ZNF420: variants seen among roughly 807,000 people sequenced by gnomAD.
ZNF420 encodes zinc finger protein 420.
In ZNF420, 31 loss-of-function variants were observed where a neutral mutation model predicts 44.7. That is an observed-to-expected ratio of 0.69 (90% confidence interval 0.52 to 0.94). The LOEUF is 0.94. ZNF420 is among the 40% of genes least tolerant of loss of function. The pLI is 0.00. For synonymous variants in ZNF420, 245 were observed against 267.4 expected, an observed-to-expected ratio of 0.92 and a Z score of 0.82; for missense variants, 681 against 827.9, an observed-to-expected ratio of 0.82 and a Z score of 2.18.
At chr19:37,011,137 G>A (rs1490217254) in intron 1 of ZNF420, among the ~76,000 whole-genome samples, 2 of 152,190 alleles carry the variant, frequency 1.3e-5, no homozygotes, top group African/African-American at 4.8e-5. Context: ...GAGGGGCCTA[G>A]ATGCTTCTTG....
chr19:37,047,011 T>G (rs1967554237), intron 1 of ZNF420, among the ~76,000 whole-genome samples: 1 of 141,036 alleles, frequency 7.1e-6, no homozygotes, highest in South Asian at 2.3e-4. Context: ...ACAAAATAAT[T>G]TTTAAGAAAT....
Position 37,101,323 on chromosome 19 carries a change from C to G in ZNF420, c.136+10202C>G, listed in dbSNP as rs1969764536. The stretch of plus-strand genomic sequence containing the variant: ...CAGCCTGACCAATATGGTGAAACCC[C>G]ATTTCTACTAAAAATACAAAAATTA... On this transcript the variant is annotated intron_variant, in intron 4 of 4. Transcript: ENST00000337995. Among the ~76,000 whole-genome samples, 3 of 152,090 alleles carry G rather than the reference C, an allele frequency of 2.0e-5. No homozygotes were observed. In the South Asian group the frequency reaches 6.2e-4, roughly 32 times the overall value.
At chr19:37,121,303 C>T (rs1292295816) in intron 4 of ZNF420, among the ~76,000 whole-genome samples, 1 of 146,336 alleles carries the variant, frequency 6.8e-6, no homozygotes, top group African/African-American at 2.6e-5. Context: ...CAGAACAGAG[C>T]CCTCAGAAAT....
intron 1 of ZNF420, among the ~76,000 whole-genome samples, chr19:37,053,251 T>C (rs1871458944): frequency 6.6e-6 from 1 of 152,228 alleles, no homozygotes; most frequent in South Asian, 2.1e-4. Context: ...GTTATTCTAG[T>C]TATCCATTAG....
chr19:37,100,199 T>G (rs1455931544), intron 4 of ZNF420, among the ~76,000 whole-genome samples: 1 of 152,188 alleles, frequency 6.6e-6, no homozygotes, highest in Non-Finnish European at 1.5e-5. Context: ...CAACATTTAC[T>G]GAAGAAAGTA....
intron 1 of ZNF420, among the ~76,000 whole-genome samples, chr19:37,008,392 T>C (rs1375750976): frequency 6.6e-6 from 1 of 152,184 alleles, no homozygotes; most frequent in Non-Finnish European, 1.5e-5. Context: ...GGCCTGTCTT[T>C]GGTGAGCCTC....
Position 37,089,126 on chromosome 19 carries a change from G to A in ZNF420, c.8G>A (p.Arg3Gln), listed in dbSNP as rs781517993. The change falls in exon 3 of 5, where the codon CGG (arginine) becomes CAG (glutamine). Residue 3 changes from arginine to glutamine, a missense_variant and splice_region_variant. Around this residue, in one of 3 missense-constraint regions of ZNF420, gnomAD observed 350 missense variants for 382.5 expected, o/e 0.92. Coordinates refer to ENST00000337995, the MANE Select transcript of ZNF420 (RefSeq NM_144689.5). Reference sequence around the variant, plus strand: ...CTTGCAGCTCTAAAAACCATGGCTCGGGTAAATTGGAGTTTCCTTGTGCTC... The same window carrying A: ...CTTGCAGCTCTAAAAACCATGGCTCAGGTAAATTGGAGTTTCCTTGTGCTC... The part of the protein sequence containing the change: MA[R>Q]KLVMFRDVAI... 38 of 1,612,964 alleles carry A rather than the reference G, an allele frequency of 2.4e-5. No individual in the cohort carries two copies. The highest frequency in any genetic ancestry group is 1.2e-4 in the South Asian group (11 of 91,046).
At position 37,128,780 on chromosome 19, in the gene ZNF420, A is replaced by G. The variant is rs1339014284; in HGVS notation, c.1789A>G (p.Ser597Gly). The G allele has an allele frequency of 6.2e-7, 1 of 1,613,886 alleles. No individual in the cohort carries two copies. The highest frequency in any genetic ancestry group is 1.7e-5 in the Admixed American group (1 of 60,004). The change falls in exon 5 of 5, where the codon AGT (serine) becomes GGT (glycine). Residue 597 changes from serine (S) to glycine (G), a missense_variant. Coordinates refer to ENST00000337995, the MANE Select transcript of ZNF420 (RefSeq NM_144689.5). ...YECKECGKAF[S>G]HGSQLTLHQR... Reference sequence around the variant, plus strand: ...ATGCAAGGAGTGTGGCAAGGCCTTTAGTCATGGCTCTCAGCTTACTCTACA... The same window carrying G: ...ATGCAAGGAGTGTGGCAAGGCCTTTGGTCATGGCTCTCAGCTTACTCTACA...
chr19:37,078,430 T>A (rs1968230235), upstream of ZNF420: 2 of 152,264 alleles, frequency 1.3e-5, no homozygotes, highest in African/African-American at 4.8e-5. Flanking sequence ...TCCGTTAGTT[T>A]GCGAGATTTG....
chr19:37,029,391 T>G (rs1967210780), intron 1 of ZNF420, among the ~76,000 whole-genome samples: 1 of 152,158 alleles, frequency 6.6e-6, no homozygotes. Flanking sequence ...ACATTTACAT[T>G]TATAATGCAT....
intron 1 of ZNF420, among the ~76,000 whole-genome samples, chr19:37,033,969 CTG>C (rs1198496185): frequency 2.6e-5 from 4 of 152,076 alleles, no homozygotes; most frequent in Non-Finnish European, 5.9e-5. Context: ...GTTGTTCAGG[CTG>C]ATCTTGAACT....
chr19:37,042,726 A>G (rs184500076), intron 1 of ZNF420, among the ~76,000 whole-genome samples: 1 of 152,164 alleles, frequency 6.6e-6, no homozygotes, highest in East Asian at 1.9e-4. Flanking sequence ...AGCACTTTTA[A>G]TTTCCTTTGA....
At chr19:37,031,677 T>C (rs1198829062) in intron 1 of ZNF420, among the ~76,000 whole-genome samples, 1 of 152,004 alleles carries the variant, frequency 6.6e-6, no homozygotes, top group African/African-American at 2.4e-5. Context: ...CACACCTGGA[T>C]AATTTTTGTA....
At position 37,127,651 on chromosome 19, in the gene ZNF420, A is replaced by C; in HGVS notation, c.660A>C (p.Glu220Asp). The C allele has an allele frequency of 6.2e-7, 1 of 1,613,894 alleles. No individual in the cohort carries two copies. Among genetic ancestry groups the C allele is most frequent in the Non-Finnish European group, 8.5e-7 (1 of 1,179,906 alleles). ...LILHHRIHTG[E>D]KPYKCEECGK... Reference sequence around the variant, plus strand: ...TACATCATAGAATTCATACTGGTGAAAAACCATATAAATGTGAAGAATGTG... The same window carrying C: ...TACATCATAGAATTCATACTGGTGACAAACCATATAAATGTGAAGAATGTG... The change falls in exon 5 of 5, where the codon GAA becomes GAC. Residue 220 changes from glutamate (E) to aspartate (D), a missense_variant. Glu to Asp is a conservative substitution (Grantham distance 45). Coordinates refer to ENST00000337995, the MANE Select transcript of ZNF420 (RefSeq NM_144689.5).
At chr19:37,061,839 C>T (rs191206097) in intron 1 of ZNF420, among the ~76,000 whole-genome samples, 11 of 152,244 alleles carry the variant, frequency 7.2e-5, no homozygotes, top group East Asian at 3.9e-4. Flanking sequence ...TAAGATGAGA[C>T]GGAAATCACC....
chr19:37,011,871 G>A (rs561310266), intron 1 of ZNF420, among the ~76,000 whole-genome samples: 4 of 152,288 alleles, frequency 2.6e-5, no homozygotes, highest in Admixed American at 6.5e-5. Flanking sequence ...ACTAGAAAGC[G>A]GTGTCTTCTT....
intron 4 of ZNF420, among the ~76,000 whole-genome samples, chr19:37,119,651 A>C (rs1345068924): frequency 2.7e-5 from 4 of 148,102 alleles, no homozygotes; most frequent in East Asian, 3.9e-4. Flanking sequence ...TAGAGACACA[A>C]AAAAAAACCT....
Position 37,078,931 on chromosome 19 carries a change from C to T in ZNF420, c.-125+361C>T, listed in dbSNP as rs16971934. 6.9e-3 allele frequency among the ~76,000 whole-genome samples: 1,047 copies of T among 152,192 alleles called. 12 individuals carry two copies. Among genetic ancestry groups the T allele is most frequent in the African/African-American group, 0.024 (988 of 41,502 alleles). ...TGTCACTTTGAGGTTGTGTGTAAAC[C>T]TGATATCGTGGGATGGATTTGCCAG... is the stretch of plus-strand genomic sequence containing the variant. On this transcript the variant is annotated intron_variant, in intron 1 of 4. Coordinates refer to ENST00000337995, the MANE Select transcript of ZNF420 (RefSeq NM_144689.5).
intron 1 of ZNF420, among the ~76,000 whole-genome samples, chr19:37,015,398 C>T (rs1030692554): frequency 3.9e-5 from 6 of 152,172 alleles, no homozygotes; most frequent in African/African-American, 1.4e-4. Flanking sequence ...GCACAACACA[C>T]CCAAGAACAG....
Sources: allele counts gnomAD v4.1 joint callset (sites outside exome capture counted in the v4.1 genomes callset), GRCh38; gene constraint gnomAD v4.1.1; regional missense constraint gnomAD v4.1.1; transcripts MANE v1.5; gene names NCBI Gene and HGNC (gene_info 2026-07-23, HGNC 2026-07-21).